PPARGC1A: variants seen among roughly 807,000 people sequenced by gnomAD.
PPARGC1A encodes the protein peroxisome proliferator-activated receptor gamma coactivator 1-alpha.
In PPARGC1A, 25 loss-of-function variants were observed where a neutral mutation model predicts 88.7. The ratio of observed to expected loss-of-function variants is 0.28; its 90% CI spans 0.21 to 0.39. The LOEUF is 0.39. PPARGC1A is among the 10% of genes least tolerant of loss of function. The pLI is 1.00. For missense variants in PPARGC1A, 880 were observed against 968.7 expected, an observed-to-expected ratio of 0.91 and a Z score of 1.22; for synonymous variants, 363 against 355.6, an observed-to-expected ratio of 1.02 and a Z score of -0.24.
the PPARGC1A span, among the ~76,000 whole-genome samples, chr4:24,184,814 C>T: frequency 0.25 from 38,757 of 152,054 alleles, 5,781 homozygotes; most frequent in East Asian, 0.39. Flanking sequence ...GGTCAAGAAA[C>T]AGCTTTCTTC....
At chr4:24,349,983 G>A in the PPARGC1A span, among the ~76,000 whole-genome samples, 3 of 152,214 alleles carry the variant, frequency 2.0e-5, no homozygotes, top group African/African-American at 4.8e-5. Context: ...CCTTTTGGCT[G>A]CTTCCTCTAC....
At chr4:24,391,504 TG>T in the PPARGC1A span, among the ~76,000 whole-genome samples, 2 of 152,152 alleles carry the variant, frequency 1.3e-5, no homozygotes, top group Non-Finnish European at 2.9e-5. Flanking sequence ...CTATATGTAG[TG>T]GATATGCTGA....
the PPARGC1A span, among the ~76,000 whole-genome samples, chr4:23,917,483 C>G: frequency 6.6e-6 from 1 of 151,892 alleles, no homozygotes; most frequent in African/African-American, 2.4e-5. Flanking sequence ...GCCACCACGC[C>G]CGGCTAATTT....
At chr4:23,902,951 C>T (rs1719583860), upstream of PPARGC1A, among the ~76,000 whole-genome samples, 1 of 152,198 alleles carries the variant, frequency 6.6e-6, no homozygotes, top group South Asian at 2.1e-4. Context: ...TAGGATTTCA[C>T]ATAGGTGCCT....
upstream of PPARGC1A, among the ~76,000 whole-genome samples, chr4:23,900,993 C>T (rs994870016): frequency 6.6e-6 from 1 of 152,060 alleles, no homozygotes; most frequent in African/African-American, 2.4e-5. Flanking sequence ...GGGAGGCTGA[C>T]GTGGGTAGAT....
At chr4:23,824,901 T>G (rs1723664830) in intron 5 of PPARGC1A, among the ~76,000 whole-genome samples, 1 of 152,084 alleles carries the variant, frequency 6.6e-6, no homozygotes, top group African/African-American at 2.4e-5. Flanking sequence ...ATTCAGTTGA[T>G]TTTACTCCTA....
chr4:23,939,227 AC>A, the PPARGC1A span, among the ~76,000 whole-genome samples: 2,849 of 151,712 alleles, frequency 0.019, 96 homozygotes, highest in African/African-American at 0.06. Flanking sequence ...TGCATATCAA[AC>A]CCCCCCCCAA....
At chr4:23,871,190 T>G (rs1337330049) in intron 2 of PPARGC1A, among the ~76,000 whole-genome samples, 1 of 149,916 alleles carries the variant, frequency 6.7e-6, no homozygotes, top group Non-Finnish European at 1.5e-5. Context: ...AGAATGTCTT[T>G]GTCAAAATTT....
chr4:24,048,336 G>GAC, the PPARGC1A span, among the ~76,000 whole-genome samples: 24 of 152,246 alleles, frequency 1.6e-4, no homozygotes, highest in African/African-American at 5.3e-4. Context: ...ATCCTCTCCT[G>GAC]ACAACAGTTG....
chr4:24,395,062 G>A, the PPARGC1A span, among the ~76,000 whole-genome samples: 5 of 152,282 alleles, frequency 3.3e-5, no homozygotes, highest in South Asian at 1.0e-3. Context: ...AGAAATACCT[G>A]GGTTCAAGTC....
At chr4:23,884,691 A>C (rs1184960760) in intron 2 of PPARGC1A, 61 bp downstream of exon 2, 5 of 1,480,712 alleles carry the variant, frequency 3.4e-6, no homozygotes, top group Non-Finnish European at 3.7e-6. Flanking sequence ...GTCTATTACC[A>C]TGTTAGTCGG....
At chr4:24,324,990 T>A in the PPARGC1A span, among the ~76,000 whole-genome samples, 1 of 152,156 alleles carries the variant, frequency 6.6e-6, no homozygotes, top group Non-Finnish European at 1.5e-5. Context: ...CTGGTCCGAC[T>A]TACAGTTTCA....
chr4:24,045,561 C>G, the PPARGC1A span, among the ~76,000 whole-genome samples: 1 of 152,088 alleles, frequency 6.6e-6, no homozygotes, highest in Non-Finnish European at 1.5e-5. Flanking sequence ...ATCCTTGGTG[C>G]GCTACTTGGC....
the PPARGC1A span, among the ~76,000 whole-genome samples, chr4:23,931,008 T>C: frequency 1.2e-3 from 186 of 152,288 alleles, no homozygotes; most frequent in Non-Finnish European, 1.6e-3. Context: ...GCGTGGAGTG[T>C]CCGGTGGCAT....
the PPARGC1A span, among the ~76,000 whole-genome samples, chr4:23,997,420 T>C: frequency 8.6e-5 from 13 of 151,302 alleles, no homozygotes; most frequent in Non-Finnish European, 1.5e-4. Context: ...GTTCTCTCTG[T>C]AGCAAAAGCA....
the PPARGC1A span, among the ~76,000 whole-genome samples, chr4:24,207,630 G>A: frequency 6.6e-6 from 1 of 152,206 alleles, no homozygotes; most frequent in African/African-American, 2.4e-5. Context: ...TATTGCTGCT[G>A]CAATCAATTT....
chr4:24,080,158 G>A, the PPARGC1A span, among the ~76,000 whole-genome samples: 3 of 151,956 alleles, frequency 2.0e-5, no homozygotes, highest in Non-Finnish European at 4.4e-5. Flanking sequence ...GTGCTGAGGG[G>A]ATTCATTTTT....
At chr4:24,357,596 C>G in the PPARGC1A span, among the ~76,000 whole-genome samples, 1 of 152,186 alleles carries the variant, frequency 6.6e-6, no homozygotes, top group Non-Finnish European at 1.5e-5. Flanking sequence ...GGCCATCATG[C>G]CTGTTCGATA....
the PPARGC1A span, among the ~76,000 whole-genome samples, chr4:24,339,237 T>TAC: frequency 0.076 from 7,883 of 103,618 alleles, 407 homozygotes; most frequent in African/African-American, 0.085. Context: ...TATATATATA[T>TAC]ACACACACAC....
Sources: allele counts gnomAD v4.1 joint callset (sites outside exome capture counted in the v4.1 genomes callset), GRCh38; gene constraint gnomAD v4.1.1; transcripts MANE v1.5; gene names NCBI Gene and HGNC (gene_info 2026-07-23, HGNC 2026-07-21).